Variants in PCDH9 observed in about 807,000 individuals in gnomAD.
PCDH9 encodes the protein protocadherin 9, also known as protocadherin-9.
A neutral mutation model predicts 70.6 loss-of-function variants in PCDH9; 24 were observed. The ratio of observed to expected loss-of-function variants is 0.34; its 90% CI spans 0.25 to 0.48. The LOEUF (loss-of-function observed/expected upper bound fraction) is 0.48. PCDH9 is among the 20% of genes least tolerant of loss of function. PCDH9 has a pLI of 0.99. For missense variants in PCDH9, 1,281 were observed against 1,503.6 expected (o/e 0.85, Z 2.45); for synonymous variants, 562 against 558.5 (o/e 1.01, Z -0.09).
At chr13:66,432,710 A>G (rs1480574679) in intron 4 of PCDH9, among the ~76,000 whole-genome samples, 1 of 151,936 alleles carries the variant, frequency 6.6e-6, no homozygotes, top group Non-Finnish European at 1.5e-5. Flanking sequence ...TCCCATCACA[A>G]TTGAACATAG....
intron 2 of PCDH9, among the ~76,000 whole-genome samples, chr13:67,108,361 A>T (rs1164107631): frequency 2.6e-5 from 4 of 152,226 alleles, no homozygotes; most frequent in Non-Finnish European, 4.4e-5. Flanking sequence ...TAAAATAGCT[A>T]AAAGTAACTG....
chr13:67,184,782 A>T (rs2088707957), intron 2 of PCDH9, among the ~76,000 whole-genome samples: 1 of 152,140 alleles, frequency 6.6e-6, no homozygotes, highest in African/African-American at 2.4e-5. Flanking sequence ...AGGGGTATTG[A>T]TGTATTGGAT....
intron 3 of PCDH9, among the ~76,000 whole-genome samples, chr13:66,692,888 T>C (rs940867637): frequency 2.6e-5 from 4 of 152,024 alleles, no homozygotes; most frequent in Non-Finnish European, 5.9e-5. Context: ...CATTTAATGA[T>C]ATAAACAAGG....
At chr13:66,732,593 A>T (rs1405214640) in intron 3 of PCDH9, among the ~76,000 whole-genome samples, 1 of 152,052 alleles carries the variant, frequency 6.6e-6, no homozygotes, top group Non-Finnish European at 1.5e-5. Flanking sequence ...CCAAATCCTA[A>T]ATATCTACCA....
At chr13:66,932,834 G>A (rs2082839030) in intron 2 of PCDH9, among the ~76,000 whole-genome samples, 2 of 150,966 alleles carry the variant, frequency 1.3e-5, no homozygotes, top group Admixed American at 1.3e-4. Context: ...GTAAAAATAT[G>A]TTCGCTAAAA....
chr13:66,857,904 C>G (rs1024880786), intron 3 of PCDH9, among the ~76,000 whole-genome samples: 13 of 152,108 alleles, frequency 8.5e-5, no homozygotes, highest in Non-Finnish European at 1.5e-4. Context: ...TCCCCAAAGC[C>G]TCAAAGCCAG....
At chr13:66,602,343 A>G (rs1253352217) in intron 4 of PCDH9, among the ~76,000 whole-genome samples, 1 of 146,414 alleles carries the variant, frequency 6.8e-6, no homozygotes, top group Non-Finnish European at 1.5e-5. Context: ...AATCATTGTT[A>G]TTATAGGAGA....
At chr13:67,137,045 C>T (rs1304291477) in intron 2 of PCDH9, among the ~76,000 whole-genome samples, 1 of 151,880 alleles carries the variant, frequency 6.6e-6, no homozygotes, top group Non-Finnish European at 1.5e-5. Flanking sequence ...ATGGGTGCAG[C>T]ACACAAACAT....
intron 4 of PCDH9, among the ~76,000 whole-genome samples, chr13:66,529,716 A>C (rs985645952): frequency 6.6e-6 from 1 of 151,960 alleles, no homozygotes; most frequent in African/African-American, 2.4e-5. Context: ...CTTGCTTCTT[A>C]TATCTCTTTT....
At chr13:66,682,604 TG>T (rs1168355338) in intron 3 of PCDH9, among the ~76,000 whole-genome samples, 1 of 152,102 alleles carries the variant, frequency 6.6e-6, no homozygotes, top group Non-Finnish European at 1.5e-5. Flanking sequence ...TCCTGGCTAT[TG>T]AGTACTTTAC....
chr13:66,434,771 C>T (rs904094579), intron 4 of PCDH9, among the ~76,000 whole-genome samples: 2 of 151,906 alleles, frequency 1.3e-5, no homozygotes, highest in Non-Finnish European at 2.9e-5. Context: ...TGTATACATT[C>T]ATTCATAAAA....
At chr13:67,070,285 G>A (rs2085734949) in intron 2 of PCDH9, among the ~76,000 whole-genome samples, 1 of 151,882 alleles carries the variant, frequency 6.6e-6, no homozygotes, top group African/African-American at 2.4e-5. Flanking sequence ...GTTAATTGTT[G>A]TGGAGCATAA....
intron 4 of PCDH9, among the ~76,000 whole-genome samples, chr13:66,407,284 T>C (rs1379107859): frequency 6.6e-6 from 1 of 152,240 alleles, no homozygotes; most frequent in Non-Finnish European, 1.5e-5. Flanking sequence ...GGAAGAGGCT[T>C]AGGAATGCTC....
chr13:66,791,914 A>C (rs1286204024), intron 3 of PCDH9, among the ~76,000 whole-genome samples: 1 of 152,184 alleles, frequency 6.6e-6, no homozygotes, highest in Admixed American at 6.6e-5. Flanking sequence ...ATGCACACAA[A>C]AAATCTTTGT....
chr13:66,456,788 T>C (rs1388544382), intron 4 of PCDH9, among the ~76,000 whole-genome samples: 2 of 152,118 alleles, frequency 1.3e-5, no homozygotes, highest in Non-Finnish European at 2.9e-5. Flanking sequence ...CTAGAAGATT[T>C]GGAAAGAATC....
At chr13:67,167,608 GA>G (rs1200840161) in intron 2 of PCDH9, among the ~76,000 whole-genome samples, 1 of 152,194 alleles carries the variant, frequency 6.6e-6, no homozygotes, top group East Asian at 1.9e-4. Context: ...CTTGTGGCAG[GA>G]AAATCAACAT....
intron 4 of PCDH9, among the ~76,000 whole-genome samples, chr13:66,426,647 T>C (rs1957676065): frequency 6.6e-6 from 1 of 151,636 alleles, no homozygotes; most frequent in African/African-American, 2.4e-5. Flanking sequence ...AAAAAAACTT[T>C]TAATTAAATT....
intron 2 of PCDH9, among the ~76,000 whole-genome samples, chr13:67,020,412 T>C (rs1431360895): frequency 2.0e-5 from 3 of 152,286 alleles, no homozygotes; most frequent in Admixed American, 6.5e-5. Context: ...ATCAGATCCA[T>C]AGTAATCCAA....
chr13:66,772,472 CTG>C (rs1447175156), intron 3 of PCDH9, among the ~76,000 whole-genome samples: 1 of 152,094 alleles, frequency 6.6e-6, no homozygotes, highest in Non-Finnish European at 1.5e-5. Context: ...CAAATGAAAG[CTG>C]TGTGTTATTC....
Sources: gnomAD v4.1 joint callset for allele counts (sites outside exome capture counted in the v4.1 genomes callset) on GRCh38, gnomAD v4.1.1 for gene constraint, MANE v1.5 for transcripts, NCBI Gene and HGNC (gene_info 2026-07-23, HGNC 2026-07-21) for gene names.